SEC61B: variants seen among roughly 807,000 people sequenced by gnomAD.
SEC61B encodes the protein protein transport protein Sec61 subunit beta.
A neutral mutation model predicts 12.6 loss-of-function variants in SEC61B; 7 were observed. That is an observed-to-expected ratio of 0.55 (90% confidence interval 0.32 to 1.04). The LOEUF (loss-of-function observed/expected upper bound fraction) is 1.04, where lower values mean the gene tolerates loss of function less well. Ranked by LOEUF, SEC61B falls within the 50% of genes least tolerant of loss-of-function variation. The probability of loss-of-function intolerance (pLI) is 0.05; values close to 1 mark genes in which losing one functional copy is unlikely to be tolerated. For missense variants in SEC61B, 107 were observed against 130.1 expected (o/e 0.82, Z 0.86); for synonymous variants, 54 against 50.1 (o/e 1.08, Z -0.33).
chr9:99,229,520 T>C (rs1159598863), intron 3 of SEC61B, among the ~76,000 whole-genome samples: 1 of 152,098 alleles, frequency 6.6e-6, no homozygotes, highest in Non-Finnish European at 1.5e-5. Context: ...GCCTGGCTAG[T>C]TTTTTGTACA....
At chr9:99,222,786 G>A in intron 2 of SEC61B, 143 bp downstream of exon 2, 1 of 609,008 alleles carries the variant, frequency 1.6e-6, no homozygotes, top group Non-Finnish European at 2.8e-6. Context: ...AGTAGTTAAA[G>A]GCCTTTTGGG....
chr9:99,222,733 G>A, intron 2 of SEC61B, 90 bp downstream of exon 2: 1 of 950,388 alleles, frequency 1.1e-6, no homozygotes, highest in African/African-American at 1.7e-5. Context: ...AGCATGTGAA[G>A]ATTGACAAAG....
rs778963073 is a variant in SEC61B at position 99,227,894 on chromosome 9, T to A, written c.102-5T>A. 15 of 1,611,996 alleles carry A rather than the reference T, an allele frequency of 9.3e-6. No individual in the cohort carries two copies. Among genetic ancestry groups the A allele is most frequent in the Non-Finnish European group, 1.3e-5 (15 of 1,178,210 alleles). On this transcript the variant is annotated splice_polypyrimidine_tract_variant and splice_region_variant and intron_variant, in intron 2 of 3. Coordinates refer to ENST00000223641, the MANE Select transcript of SEC61B (RefSeq NM_006808.3). ...GGCCATTTGTAACATTTTCCTCTCT[T>A]TCAGGAAAAATGCCAGCTGTGGGAC...
chr9:99,222,841 C>T, intron 2 of SEC61B, 198 bp downstream of exon 2: 4 of 492,638 alleles, frequency 8.1e-6, no homozygotes, highest in Non-Finnish European at 1.4e-5. Flanking sequence ...TAGGGCACTA[C>T]TCTTAAAAAA....
chr9:99,229,086 T>C (rs911044863), intron 3 of SEC61B, among the ~76,000 whole-genome samples: 3 of 152,154 alleles, frequency 2.0e-5, no homozygotes, highest in Non-Finnish European at 4.4e-5. Flanking sequence ...TAATTTTAAT[T>C]AGTTTTAATT....
chr9:99,222,384 T>G lies in SEC61B; in HGVS notation c.3+18T>G, dbSNP rs757790906. 1 of 1,614,130 alleles carries G rather than the reference T, an allele frequency of 6.2e-7. No individual in the cohort carries two copies. Among genetic ancestry groups the G allele is most frequent in the South Asian group, 1.1e-5 (1 of 91,086 alleles). On this transcript the variant is annotated intron_variant, in intron 1 of 3. Transcript: ENST00000223641. ...CCAATATGGTATGGCGGCCCTTCCA[T>G]GATCCCCGCCTCTCCCAGAAGCCCT...
chr9:99,230,319 T>C lies in SEC61B; in HGVS notation c.204-18T>C. 6.6e-7 allele frequency: 1 copy of C among 1,519,174 alleles called. No individual in the cohort carries two copies. The highest frequency in any genetic ancestry group is 9.1e-7 in the Non-Finnish European group (1 of 1,101,174). 94.1% of individuals were successfully genotyped at this position (1,519,174 alleles called of 1,614,324 possible). The stretch of plus-strand genomic sequence containing the variant: ...TATTATTACTAAAAGTAAGCATGCT[T>C]TCTCTTCTTATTTCTAGTGGCCCTG... On this transcript the variant is annotated intron_variant, in intron 3 of 3. Transcript: ENST00000223641.
At chr9:99,228,736 CT>C (rs1036263452) in intron 3 of SEC61B, among the ~76,000 whole-genome samples, 2 of 152,230 alleles carry the variant, frequency 1.3e-5, no homozygotes, top group African/African-American at 4.8e-5. Flanking sequence ...TTACATAGCA[CT>C]TTGTACTTTG....
chr9:99,226,217 A>G (rs148890619), intron 2 of SEC61B, among the ~76,000 whole-genome samples: 87 of 152,328 alleles, frequency 5.7e-4, no homozygotes, highest in Non-Finnish European at 1.0e-3. Flanking sequence ...GATTGCTTTC[A>G]AAGTTCTGGC....
Position 99,230,488 on chromosome 9 carries a change from A to C in SEC61B, c.*64A>C. The C allele has an allele frequency of 9.5e-7, 1 of 1,050,990 alleles. No homozygotes were observed. Among genetic ancestry groups the C allele is most frequent in the South Asian group, 1.3e-5 (1 of 77,030 alleles). The allele number at this position is 1,050,990 out of a possible 1,614,324, so 65.1% of individuals were successfully genotyped here. A position where few individuals can be genotyped will look rare whatever the true frequency, so the allele number is the denominator to read the frequency against. ...AAAACCCAACATTTCTTGGACCAAA[A>C]GTATAGTGACTATCTGTTCATGAGA... On this transcript the variant is annotated 3_prime_UTR_variant, in exon 4 of 4. Transcript: ENST00000223641.
At chr9:99,224,179 A>G (rs1828871011) in intron 2 of SEC61B, among the ~76,000 whole-genome samples, 1 of 152,248 alleles carries the variant, frequency 6.6e-6, no homozygotes, top group African/African-American at 2.4e-5. Context: ...AGGTAAATCT[A>G]AAACTGATGA....
chr9:99,229,044 G>T (rs1358245627), intron 3 of SEC61B, among the ~76,000 whole-genome samples: 5 of 151,600 alleles, frequency 3.3e-5, no homozygotes, highest in African/African-American at 1.2e-4. Context: ...TTACAAATTT[G>T]TAAAGTTTTT....
At position 99,222,301 on chromosome 9, in the gene SEC61B, CT is replaced by C; in HGVS notation, c.-60del. On this transcript the variant is annotated 5_prime_UTR_variant, in exon 1 of 4. Coordinates refer to ENST00000223641, the MANE Select transcript of SEC61B (RefSeq NM_006808.3). ...TGAGTCAGTCTCGCCAGCTGCCGGT[CT>C]TTCGGGGGCTCCGTAACTTTCTATC... 1.2e-6 allele frequency: 2 copies of C among 1,613,682 alleles called. No individual in the cohort carries two copies. Among genetic ancestry groups the C allele is most frequent in the Admixed American group, 3.3e-5 (2 of 60,028 alleles).
intron 3 of SEC61B, among the ~76,000 whole-genome samples, chr9:99,228,675 C>A (rs1056966960): frequency 5.9e-5 from 9 of 152,240 alleles, no homozygotes; most frequent in Admixed American, 3.9e-4. Context: ...ACAACTGTTT[C>A]CTGACTAAAC....
At chr9:99,226,218 A>G (rs1448642397) in intron 2 of SEC61B, among the ~76,000 whole-genome samples, 3 of 152,168 alleles carry the variant, frequency 2.0e-5, no homozygotes, top group African/African-American at 2.4e-5. Flanking sequence ...ATTGCTTTCA[A>G]AGTTCTGGCA....
chr9:99,226,443 C>T (rs1828896436), intron 2 of SEC61B, among the ~76,000 whole-genome samples: 1 of 152,118 alleles, frequency 6.6e-6, no homozygotes. Context: ...CCGTATATGC[C>T]CTTCCCTTTT....
chr9:99,225,057 T>C (rs1420435200), intron 2 of SEC61B, among the ~76,000 whole-genome samples: 2 of 152,230 alleles, frequency 1.3e-5, no homozygotes, highest in Non-Finnish European at 2.9e-5. Context: ...CATAGTGTTC[T>C]AGCAGGATTA....
intron 3 of SEC61B, among the ~76,000 whole-genome samples, chr9:99,229,381 A>G (rs955406735): frequency 2.0e-5 from 3 of 152,042 alleles, no homozygotes; most frequent in East Asian, 1.9e-4. Context: ...CTGGAGTGCA[A>G]TGGCATGATC....
chr9:99,226,345 C>A (rs930734846), intron 2 of SEC61B, among the ~76,000 whole-genome samples: 1 of 152,096 alleles, frequency 6.6e-6, no homozygotes, highest in Admixed American at 6.6e-5. Context: ...GAGTAAAGAC[C>A]GTGGTTGGGT....
Sources: allele counts gnomAD v4.1 joint callset (sites outside exome capture counted in the v4.1 genomes callset), GRCh38; gene constraint gnomAD v4.1.1; transcripts MANE v1.5; gene names NCBI Gene and HGNC (gene_info 2026-07-23, HGNC 2026-07-21).